Variants in SETD2 observed in about 807,000 individuals in gnomAD.
The protein encoded by SETD2 is SET domain containing 2, histone lysine methyltransferase.
SETD2 carries 31 observed loss-of-function variants against 242.1 expected under a neutral mutation model. The observed-to-expected ratio is 0.13, with a 90% CI of 0.10 to 0.17. The LOEUF (loss-of-function observed/expected upper bound fraction) is 0.17, where lower values mean the gene tolerates loss of function less well. SETD2 is among the 10% of genes least tolerant of loss of function. SETD2 has a pLI of 1.00. For missense variants in SETD2, 2,481 were observed against 3,046.3 expected (o/e 0.81, Z 4.37); for synonymous variants, 1,006 against 1,066.5 (o/e 0.94, Z 1.11).
intron 1 of SETD2, among the ~76,000 whole-genome samples, chr3:47,146,837 C>G (rs936933303): frequency 2.0e-5 from 3 of 151,358 alleles, no homozygotes; most frequent in Non-Finnish European, 4.4e-5. Flanking sequence ...GCTTGGGAGG[C>G]TGAGACAGGA....
intron 1 of SETD2, among the ~76,000 whole-genome samples, chr3:47,147,164 C>A (rs1232644807): frequency 6.6e-6 from 1 of 151,846 alleles, no homozygotes; most frequent in Non-Finnish European, 1.5e-5. Flanking sequence ...GAACTCGCCA[C>A]CACACCCGCT....
chr3:47,026,737 A>G lies in SETD2; in HGVS notation c.7351-6897T>C, dbSNP rs557998003. On this transcript the variant is annotated intron_variant, in intron 18 of 20. Transcript: ENST00000409792. ...AACCAAACACCACACGTTCTTACTCATAAGTGGGAGTTGAACAATGAGAAC... is the reference window on the plus strand; with the variant it reads ...AACCAAACACCACACGTTCTTACTCGTAAGTGGGAGTTGAACAATGAGAAC... Among the ~76,000 whole-genome samples, 21 of 152,212 alleles carry G rather than the reference A, an allele frequency of 1.4e-4. 1 individual carries two copies. The East Asian group carries it at 1.9e-3, about 14-fold the overall frequency.
chr3:47,137,793 TCTC>T (rs1317626683), intron 1 of SETD2, among the ~76,000 whole-genome samples: 1 of 151,166 alleles, frequency 6.6e-6, no homozygotes, highest in East Asian at 2.0e-4. Flanking sequence ...TTCAAGCAAT[TCTC>T]CTGCCTCATC....
intron 18 of SETD2, among the ~76,000 whole-genome samples, chr3:47,035,962 T>G (rs2038976669): frequency 6.6e-6 from 1 of 152,372 alleles, no homozygotes; most frequent in East Asian, 1.9e-4. Flanking sequence ...CTAAGTGATT[T>G]ATGTGATTCA....
Position 47,016,983 on chromosome 3 carries a change from T to C in SETD2, c.*110A>G. 3.8e-6 allele frequency: 4 copies of C among 1,051,682 alleles called. No homozygotes were observed. Among genetic ancestry groups the C allele is most frequent in the Non-Finnish European group, 4.3e-6 (3 of 701,466 alleles). The allele number at this position is 1,051,682 out of a possible 1,614,324, so 65.1% of individuals were successfully genotyped here. The stretch of plus-strand genomic sequence containing the variant: ...CAGGGTTGAATTCCCCAGGGTGATG[T>C]ATCATCAGTAGCACAGTGCTGACAG... On this transcript the variant is annotated 3_prime_UTR_variant, in exon 21 of 21. Coordinates refer to ENST00000409792, the MANE Select transcript of SETD2 (RefSeq NM_014159.7).
chr3:47,039,856 G>A (rs915584608), intron 17 of SETD2, among the ~76,000 whole-genome samples: 6 of 146,108 alleles, frequency 4.1e-5, no homozygotes, highest in African/African-American at 1.0e-4. Context: ...GCACTCCAGC[G>A]TGGGCAACAA....
At chr3:47,158,957 A>T (rs542966986) in intron 1 of SETD2, among the ~76,000 whole-genome samples, 1 of 152,320 alleles carries the variant, frequency 6.6e-6, no homozygotes, top group Non-Finnish European at 1.5e-5. Flanking sequence ...CTGCACACTA[A>T]AACAGTTCTC....
intron 12 of SETD2, among the ~76,000 whole-genome samples, chr3:47,069,838 C>CA (rs1163376371): frequency 2.0e-5 from 3 of 152,174 alleles, no homozygotes; most frequent in African/African-American, 7.2e-5. Flanking sequence ...GTCTGCCTCT[C>CA]AGAGGGGTTA....
intron 7 of SETD2, 40 bp downstream of exon 7, chr3:47,103,305 CG>C: frequency 7.3e-7 from 1 of 1,372,180 alleles, no homozygotes; most frequent in Non-Finnish European, 1.0e-6. Flanking sequence ...GAACAGCAAT[CG>C]TGAACAAATA....
intron 18 of SETD2, among the ~76,000 whole-genome samples, chr3:47,035,352 T>G (rs906156560): frequency 6.6e-6 from 1 of 152,194 alleles, no homozygotes; most frequent in Non-Finnish European, 1.5e-5. Flanking sequence ...CAGAGAGCCT[T>G]GTAAAAGGCA....
At position 47,106,134 on chromosome 3, in the gene SETD2, G is replaced by A. The variant is rs756282675; in HGVS notation, c.4716-14C>T. Reference sequence around the variant, plus strand: ...ACAAAGGTGTTCCTGCAAACCAAAAGGAAAAAAATAGCACTTCCTACCTAG... The same window carrying A: ...ACAAAGGTGTTCCTGCAAACCAAAAAGAAAAAAATAGCACTTCCTACCTAG... On this transcript the variant is annotated splice_polypyrimidine_tract_variant and intron_variant, in intron 5 of 20. Coordinates refer to ENST00000409792, the MANE Select transcript of SETD2 (RefSeq NM_014159.7). 1 of 1,604,728 alleles carries A rather than the reference G, an allele frequency of 6.2e-7. No individual in the cohort carries two copies. The highest frequency in any genetic ancestry group is 8.5e-7 in the Non-Finnish European group (1 of 1,175,012).
intron 16 of SETD2, 98 bp downstream of exon 16, chr3:47,046,389 C>A (rs2039532252): frequency 3.9e-5 from 40 of 1,038,384 alleles, no homozygotes; most frequent in South Asian, 1.5e-4. Flanking sequence ...GAAAAAAAAA[C>A]CCAAAAATAA....
At position 47,062,206 on chromosome 3, in the gene SETD2, G is replaced by A. The variant is rs2107588905; in HGVS notation, c.6250C>T (p.Pro2084Ser). ...GTTCCCCGCTCATAGGCAGAAGAGG[G>A]TGGTGAGAGGGAGCTTCTTCGTTTC... ...KRKRRSSLSP[P>S]SSAYERGTKR... is the part of the protein sequence containing the mutation. The change falls in exon 14 of 21, where the codon CCC (proline) becomes TCC (serine). Residue 2084 changes from proline to serine, a missense_variant. Pro to Ser is a moderately conservative substitution (Grantham distance 74). Coordinates refer to ENST00000409792, the MANE Select transcript of SETD2 (RefSeq NM_014159.7). The A allele has an allele frequency of 1.9e-6, 3 of 1,614,102 alleles. No individual in the cohort carries two copies. Among genetic ancestry groups the A allele is most frequent in the Non-Finnish European group, 2.5e-6 (3 of 1,180,020 alleles).
intron 18 of SETD2, among the ~76,000 whole-genome samples, chr3:47,022,091 A>C (rs1264740530): frequency 6.7e-6 from 1 of 148,656 alleles, no homozygotes; most frequent in Non-Finnish European, 1.5e-5. Context: ...GCTACTTGGG[A>C]GGCTGAGGCA....
chr3:47,026,189 C>A (rs2107507152), intron 18 of SETD2, among the ~76,000 whole-genome samples: 1 of 152,198 alleles, frequency 6.6e-6, no homozygotes, highest in East Asian at 1.9e-4. Flanking sequence ...ATGCAGCCAA[C>A]AAACATATGA....
intron 1 of SETD2, among the ~76,000 whole-genome samples, chr3:47,146,921 G>C (rs940745133): frequency 2.0e-5 from 3 of 151,034 alleles, no homozygotes; most frequent in South Asian, 4.2e-4. Flanking sequence ...CTAGGTGACA[G>C]AGTGAGACCC....
At chr3:47,131,273 A>G (rs2043468369) in intron 1 of SETD2, among the ~76,000 whole-genome samples, 1 of 152,248 alleles carries the variant, frequency 6.6e-6, no homozygotes. Context: ...TGCAATTCTG[A>G]AAGTCAGAAC....
rs1355717554 is a variant in SETD2 at position 47,153,251 on chromosome 3, TACA to T, written c.71+10600_71+10602del. 2.0e-5 allele frequency among the ~76,000 whole-genome samples: 3 copies of T among 152,146 alleles called. No homozygotes were observed. In the East Asian group the frequency reaches 5.8e-4, roughly 29 times the overall value. On this transcript the variant is annotated intron_variant, in intron 1 of 20. Coordinates refer to ENST00000409792, the MANE Select transcript of SETD2 (RefSeq NM_014159.7). ...AAATTCCAAAGCTAAGAGACTCAAA[TACA>T]ACATTTTATTACACAATTTTTATTA... is the stretch of plus-strand genomic sequence containing the variant.
chr3:47,091,185 A>T (rs1308752185), intron 9 of SETD2, among the ~76,000 whole-genome samples: 12 of 152,164 alleles, frequency 7.9e-5, no homozygotes. Context: ...TTCCTTGCAT[A>T]TCCTAAATGT....
Sources: allele counts gnomAD v4.1 joint callset (sites outside exome capture counted in the v4.1 genomes callset), GRCh38; gene constraint gnomAD v4.1.1; transcripts MANE v1.5; gene names NCBI Gene and HGNC (gene_info 2026-07-23, HGNC 2026-07-21).